KCTD16: variants seen among roughly 807,000 people sequenced by gnomAD.
KCTD16 encodes the protein potassium channel tetramerization domain containing 16.
KCTD16 carries 13 observed loss-of-function variants against 33.2 expected under a neutral mutation model. That is an observed-to-expected ratio of 0.39 (90% CI 0.25 to 0.62). The LOEUF (loss-of-function observed/expected upper bound fraction) is 0.62, where lower values mean the gene tolerates loss of function less well. Among genes scored for constraint, KCTD16 ranks in the 20% least tolerant of loss-of-function variants. The pLI, the probability that KCTD16 is intolerant of heterozygous loss-of-function variation, is 0.50. For synonymous variants in KCTD16, 197 were observed against 195.3 expected (o/e 1.01, Z -0.07); for missense variants, 441 against 525.1 (o/e 0.84, Z 1.57).
rs533824466 is a variant in KCTD16 at position 144,455,141 on chromosome 5, G to A, written c.833-18519G>A. Among the ~76,000 whole-genome samples the A allele has an allele frequency of 6.6e-5, 10 of 152,184 alleles. No individual in the cohort carries two copies. In the South Asian group the frequency reaches 2.1e-3, roughly 32 times the overall value. On this transcript the variant is annotated intron_variant, in intron 3 of 3. Coordinates refer to ENST00000512467, the MANE Select transcript of KCTD16 (RefSeq NM_020768.4). ...CAGCTTCTGTCTGTGAGTCAGGACA[G>A]GCCTTTTCTCCTTTCCCCCAACAGA...
At chr5:144,243,077 C>A (rs574528521) in intron 3 of KCTD16, among the ~76,000 whole-genome samples, 1 of 152,234 alleles carries the variant, frequency 6.6e-6, no homozygotes, top group East Asian at 1.9e-4. Flanking sequence ...GCTCCTTTGG[C>A]TGATGTTTTC....
At chr5:144,367,180 G>A (rs146328909) in intron 3 of KCTD16, among the ~76,000 whole-genome samples, 67 of 152,284 alleles carry the variant, frequency 4.4e-4, no homozygotes, top group Non-Finnish European at 6.3e-4. Context: ...ATAGATAGCC[G>A]ACTTAAATTC....
chr5:144,184,418 G>A (rs1047828917), intron 2 of KCTD16, among the ~76,000 whole-genome samples: 8 of 152,114 alleles, frequency 5.3e-5, no homozygotes, highest in African/African-American at 1.7e-4. Context: ...ATCACTGATG[G>A]ACACTTGGGT....
intron 3 of KCTD16, among the ~76,000 whole-genome samples, chr5:144,233,687 G>T (rs527502519): frequency 1.8e-4 from 28 of 152,202 alleles, no homozygotes; most frequent in African/African-American, 6.3e-4. Flanking sequence ...TTAGAGTTTG[G>T]TTTTTCTTGT....
intron 3 of KCTD16, among the ~76,000 whole-genome samples, chr5:144,306,497 A>G (rs1178720166): frequency 2.6e-5 from 4 of 152,230 alleles, no homozygotes; most frequent in African/African-American, 9.6e-5. Flanking sequence ...CTCAAGGGCC[A>G]GGAAGTACAC....
intron 3 of KCTD16, among the ~76,000 whole-genome samples, chr5:144,368,699 C>A (rs994640705): frequency 7.9e-5 from 12 of 152,056 alleles, no homozygotes; most frequent in African/African-American, 2.4e-4. Flanking sequence ...GAGCTAATAA[C>A]TGGGTGTTGT....
At chr5:144,462,670 A>G (rs2126993548) in intron 3 of KCTD16, among the ~76,000 whole-genome samples, 1 of 152,154 alleles carries the variant, frequency 6.6e-6, no homozygotes, top group Non-Finnish European at 1.5e-5. Flanking sequence ...AGATAGAAGA[A>G]TATATTAAAA....
intron 3 of KCTD16, among the ~76,000 whole-genome samples, chr5:144,240,344 C>T (rs1311097491): frequency 1.3e-5 from 2 of 152,056 alleles, no homozygotes; most frequent in African/African-American, 4.8e-5. Context: ...TCTTCTTTCT[C>T]TTCTTCATTC....
At chr5:144,372,627 C>G (rs1751994490) in intron 3 of KCTD16, among the ~76,000 whole-genome samples, 1 of 152,148 alleles carries the variant, frequency 6.6e-6, no homozygotes, top group African/African-American at 2.4e-5. Flanking sequence ...TGTGCCAAAT[C>G]CTGAAGGGTG....
At chr5:144,318,290 C>T (rs954355549) in intron 3 of KCTD16, among the ~76,000 whole-genome samples, 2 of 152,182 alleles carry the variant, frequency 1.3e-5, no homozygotes, top group African/African-American at 4.8e-5. Flanking sequence ...TTAGTACACA[C>T]TTTGATCTAC....
chr5:144,299,108 A>ACTATGTG (rs1756147670), intron 3 of KCTD16, among the ~76,000 whole-genome samples: 1 of 10,516 alleles, frequency 9.5e-5, no homozygotes, highest in South Asian at 2.5e-3. Flanking sequence ...ATATATATAT[A>ACTATGTG]TATATATATA....
intron 3 of KCTD16, among the ~76,000 whole-genome samples, chr5:144,316,669 T>C (rs1044416777): frequency 1.3e-5 from 2 of 151,054 alleles, no homozygotes; most frequent in Non-Finnish European, 3.0e-5. Context: ...CCTGCCACCA[T>C]GTCCACCTAA....
intron 3 of KCTD16, among the ~76,000 whole-genome samples, chr5:144,312,305 A>G (rs931553873): frequency 6.6e-6 from 1 of 152,176 alleles, no homozygotes; most frequent in Non-Finnish European, 1.5e-5. Context: ...AGTAATGTCC[A>G]TGAGCCTTTA....
chr5:144,277,903 T>A (rs1413773116), intron 3 of KCTD16, among the ~76,000 whole-genome samples: 2 of 152,180 alleles, frequency 1.3e-5, no homozygotes, highest in African/African-American at 4.8e-5. Flanking sequence ...TTTTGAGATT[T>A]AAAAAAATAT....
intron 3 of KCTD16, among the ~76,000 whole-genome samples, chr5:144,378,755 T>A (rs1752147557): frequency 6.6e-6 from 1 of 152,170 alleles, no homozygotes; most frequent in Non-Finnish European, 1.5e-5. Flanking sequence ...AGACTTGTGT[T>A]TTTCAATTAT....
intron 3 of KCTD16, among the ~76,000 whole-genome samples, chr5:144,343,391 G>A (rs1455199738): frequency 6.6e-6 from 1 of 152,038 alleles, no homozygotes; most frequent in Non-Finnish European, 1.5e-5. Context: ...ATTCTCTGAT[G>A]GTAGTTTGTA....
chr5:144,267,830 A>T (rs975133694), intron 3 of KCTD16, among the ~76,000 whole-genome samples: 1 of 152,010 alleles, frequency 6.6e-6, no homozygotes, highest in African/African-American at 2.4e-5. Flanking sequence ...CTTTATACAA[A>T]AGCACCATTT....
chr5:144,292,573 T>C (rs571949645), intron 3 of KCTD16, among the ~76,000 whole-genome samples: 3 of 152,274 alleles, frequency 2.0e-5, no homozygotes, highest in Non-Finnish European at 2.9e-5. Flanking sequence ...CAATATGGAT[T>C]ACACCACGTT....
At chr5:144,472,363 A>G (rs1486609203) in intron 3 of KCTD16, among the ~76,000 whole-genome samples, 1 of 152,114 alleles carries the variant, frequency 6.6e-6, no homozygotes, top group Admixed American at 6.5e-5. Context: ...TATTTTTAGG[A>G]AGTTGCTTTG....
Sources: allele counts gnomAD v4.1 joint callset (sites outside exome capture counted in the v4.1 genomes callset), GRCh38; gene constraint gnomAD v4.1.1; transcripts MANE v1.5; gene names NCBI Gene and HGNC (gene_info 2026-07-23, HGNC 2026-07-21).